The following ERCC6 variants were observed in gnomAD, a reference collection of about 807,000 sequenced individuals.
ERCC6 encodes ERCC excision repair 6, chromatin remodeling factor, also known as DNA excision repair protein ERCC-6.
A neutral mutation model predicts 158.7 loss-of-function variants in ERCC6; 116 were observed. The ratio of observed to expected loss-of-function variants is 0.73; its 90% confidence interval spans 0.63 to 0.85. ERCC6 has a LOEUF of 0.85. Ranked by LOEUF, ERCC6 falls within the 40% of genes least tolerant of loss-of-function variation. The probability of loss-of-function intolerance (pLI) is 0.00; values close to 1 mark genes in which losing one functional copy is unlikely to be tolerated. For missense variants in ERCC6, 1,698 were observed against 1,799.4 expected (o/e 0.94, Z 1.02); for synonymous variants, 678 against 659.3 (o/e 1.03, Z -0.43).
chr10:49,462,406 A>C (rs922208288), intron 18 of ERCC6, among the ~76,000 whole-genome samples: 18 of 152,238 alleles, frequency 1.2e-4, no homozygotes, highest in African/African-American at 4.3e-4. Context: ...CCATACAAGT[A>C]GTACAAGAAA....
At chr10:49,481,978 G>A (rs546961992) in intron 10 of ERCC6, among the ~76,000 whole-genome samples, 1 of 152,122 alleles carries the variant, frequency 6.6e-6, no homozygotes, top group African/African-American at 2.4e-5. Context: ...GCATCCTCCA[G>A]AGTCCTGCTC....
intron 5 of ERCC6, chr10:49,517,178 C>A: frequency 6.7e-7 from 1 of 1,503,668 alleles, no homozygotes. Context: ...CCTAGTGTTC[C>A]AAAAATGGAA....
intron 18 of ERCC6, among the ~76,000 whole-genome samples, chr10:49,464,070 G>A (rs912457982): frequency 3.3e-5 from 5 of 152,182 alleles, no homozygotes; most frequent in East Asian, 1.9e-4. Flanking sequence ...CTCAGAAGAC[G>A]AGAGGAAAAT....
chr10:49,531,444 T>G lies in ERCC6; in HGVS notation c.423-604A>C, dbSNP rs141732333. Among the ~76,000 whole-genome samples, 4 of 152,334 alleles carry G rather than the reference T, an allele frequency of 2.6e-5. No homozygotes were observed. In the East Asian group the frequency reaches 5.8e-4, roughly 22 times the overall value. ...ACACAAATTCAATCTTCTTGATGAT[T>G]GTGTAATTTGCTGTTTGTATCCTCT... On this transcript the variant is annotated intron_variant, in intron 2 of 20. Coordinates refer to ENST00000355832, the MANE Select transcript of ERCC6 (RefSeq NM_000124.4).
intron 5 of ERCC6, among the ~76,000 whole-genome samples, chr10:49,517,406 A>C (rs148956291): frequency 0.013 from 1,957 of 152,292 alleles, 40 homozygotes; most frequent in African/African-American, 0.045. Flanking sequence ...CAGTATCTGT[A>C]GCAGTAACTA....
intron 5 of ERCC6, chr10:49,516,749 T>C (rs774641572): frequency 2.5e-6 from 4 of 1,613,970 alleles, no homozygotes; most frequent in Admixed American, 1.7e-5. Flanking sequence ...CTGCTACGGG[T>C]TGTACAGTTA....
chr10:49,493,138 G>C lies in ERCC6; in HGVS notation c.1800C>G (p.Thr600=), dbSNP rs112314975. ...TTACCTTTTTGTGGGTATAGGAACC[G>C]GTTTCATGTAGAATTGCCACTCTGA... is the stretch of plus-strand genomic sequence containing the variant. ...PPFRVAILHE[T]GSYTHKKEKL... The change falls in exon 8 of 21, where the codon ACC becomes ACG. Residue 600 remains threonine (T), a synonymous_variant. Coordinates refer to ENST00000355832, the MANE Select transcript of ERCC6 (RefSeq NM_000124.4). The C allele has an allele frequency of 6.2e-7, 1 of 1,614,074 alleles. No individual in the cohort carries two copies. Among genetic ancestry groups the C allele is most frequent in the Admixed American group, 1.7e-5 (1 of 60,024 alleles).
rs531648623 is a variant in ERCC6, at chr10:49,475,056, G to C, written c.2383-814C>G. ...ATGATCTGAATAAGTCAGGAACATT[G>C]GTAAACCTCCCCAGAGTCATCCGTG... On this transcript the variant is annotated intron_variant, in intron 12 of 20. Transcript: ENST00000355832. Among the ~76,000 whole-genome samples, 3 of 152,212 alleles carry C rather than the reference G, an allele frequency of 2.0e-5. No homozygotes were observed. The South Asian group carries it at 6.2e-4, about 32-fold the overall frequency.
intron 18 of ERCC6, among the ~76,000 whole-genome samples, chr10:49,469,769 A>G (rs1850739522): frequency 6.6e-6 from 1 of 152,146 alleles, no homozygotes; most frequent in African/African-American, 2.4e-5. Flanking sequence ...GACATAAGCT[A>G]TCAGCTTTCA....
intron 7 of ERCC6, 25 bp downstream of exon 7, chr10:49,500,509 AGACT>A: frequency 6.2e-7 from 1 of 1,611,908 alleles, no homozygotes; most frequent in East Asian, 2.2e-5. Flanking sequence ...TGAGCTCCAC[AGACT>A]GACAGTCTGC....
rs1850831974 is a variant in ERCC6 at position 49,474,075 on chromosome 10, T to C, written c.2550A>G (p.Ile850Met). 25 of 1,614,154 alleles carry C rather than the reference T, an allele frequency of 1.5e-5. No homozygotes were observed. The highest frequency in any genetic ancestry group is 2.1e-5 in the Non-Finnish European group (25 of 1,180,030). ...KMIVVESLLK[I>M]WHKQGQRVLL... ...ATACTCGCTGACCCTGCTTGTGCCA[T>C]ATTTTCAACAAAGACTCAACAACAA... Residue 850 changes from isoleucine to methionine, a missense_variant, in exon 13 of 21, where the codon ATA (isoleucine) becomes ATG (methionine). Ile to Met is a conservative substitution (Grantham distance 10). Transcript: ENST00000355832.
intron 5 of ERCC6, among the ~76,000 whole-genome samples, chr10:49,509,975 A>G (rs1851506673): frequency 6.6e-6 from 1 of 152,110 alleles, no homozygotes; most frequent in South Asian, 2.1e-4. Flanking sequence ...CCTGCTGTCA[A>G]CTCCACTGGC....
chr10:49,522,306 T>C (rs1342259168), intron 5 of ERCC6, among the ~76,000 whole-genome samples: 1 of 152,176 alleles, frequency 6.6e-6, no homozygotes, highest in East Asian at 1.9e-4. Context: ...ATCCTGAGCA[T>C]TTTATTTTCT....
chr10:49,474,384 T>C (rs1481907093), intron 12 of ERCC6, 142 bp from the exon 13 acceptor site: 1 of 682,756 alleles, frequency 1.5e-6, no homozygotes, highest in Non-Finnish European at 2.6e-6. Context: ...GTCACAGCAT[T>C]ATCATGAGCT....
At chr10:49,523,194 T>TC (rs1361676952) in intron 5 of ERCC6, among the ~76,000 whole-genome samples, 1 of 152,222 alleles carries the variant, frequency 6.6e-6, no homozygotes, top group Non-Finnish European at 1.5e-5. Flanking sequence ...GGTTCCTTTT[T>TC]CCCTTTGACT....
At chr10:49,467,839 G>C (rs1445560970) in intron 18 of ERCC6, among the ~76,000 whole-genome samples, 1 of 152,074 alleles carries the variant, frequency 6.6e-6, no homozygotes, top group Non-Finnish European at 1.5e-5. Flanking sequence ...AAAGCACTGG[G>C]ATTACAGGCT....
chr10:49,439,741 C>T, the ERCC6 span, among the ~76,000 whole-genome samples: 3 of 152,166 alleles, frequency 2.0e-5, no homozygotes, highest in Admixed American at 1.3e-4. Flanking sequence ...TAACAGCCTC[C>T]AAGTCATCTC....
chr10:49,481,803 G>A (rs1170256662), intron 10 of ERCC6, among the ~76,000 whole-genome samples: 1 of 152,100 alleles, frequency 6.6e-6, no homozygotes, highest in Non-Finnish European at 1.5e-5. Context: ...TGTTTGTTCT[G>A]CCTAAAAATG....
chr10:49,461,653 C>T (rs1850586139), intron 18 of ERCC6, 97 bp from the exon 19 acceptor site: 5 of 1,202,740 alleles, frequency 4.2e-6, no homozygotes, highest in Admixed American at 2.0e-5. Context: ...TAGACAAAAA[C>T]AAAGTGATAG....
Sources: gnomAD v4.1 joint callset for allele counts (sites outside exome capture counted in the v4.1 genomes callset) on GRCh38, gnomAD v4.1.1 for gene constraint, MANE v1.5 for transcripts, NCBI Gene and HGNC (gene_info 2026-07-23, HGNC 2026-07-21) for gene names.